The following ARFGEF3 variants were observed in gnomAD, a reference collection of about 807,000 sequenced individuals.
The protein encoded by ARFGEF3 is ARFGEF family member 3.
A neutral mutation model predicts 221.7 loss-of-function variants in ARFGEF3; 96 were observed. That is an observed-to-expected ratio of 0.43 (90% confidence interval 0.37 to 0.51). The LOEUF is 0.51. ARFGEF3 is among the 20% of genes least tolerant of loss of function. The probability of loss-of-function intolerance (pLI) is 0.00; values close to 1 mark genes in which losing one functional copy is unlikely to be tolerated. For synonymous variants in ARFGEF3, 1,145 were observed against 1,126.8 expected (o/e 1.02, Z -0.32); for missense variants, 2,410 against 2,789.9 (o/e 0.86, Z 3.07).
At chr6:138,190,779 A>G (rs1400192439) in intron 2 of ARFGEF3, among the ~76,000 whole-genome samples, 2 of 152,210 alleles carry the variant, frequency 1.3e-5, no homozygotes, top group African/African-American at 2.4e-5. Flanking sequence ...TGAAGAACAT[A>G]GGAAAACTGG....
intron 23 of ARFGEF3, 149 bp from the exon 24 acceptor site, chr6:138,308,590 G>C: frequency 3.7e-6 from 3 of 810,518 alleles, no homozygotes; most frequent in Non-Finnish European, 6.0e-6. Context: ...CTGGAGCCAA[G>C]CCAATGGCCC....
At chr6:138,279,894 G>T in intron 13 of ARFGEF3, 105 bp from the exon 14 acceptor site, 1 of 1,109,824 alleles carries the variant, frequency 9.0e-7, no homozygotes. Context: ...CACAAGCCTT[G>T]GTTTAGTTCA....
chr6:138,262,576 T>G, intron 11 of ARFGEF3, 125 bp from the exon 12 acceptor site: 1 of 958,636 alleles, frequency 1.0e-6, no homozygotes, highest in Non-Finnish European at 1.5e-6. Context: ...CCATTTTGTT[T>G]TATTCAAATC....
In ARFGEF3 at chr6:138,261,663, C is replaced by T. The variant is rs759805471; in HGVS notation, c.1217+24C>T. On this transcript the variant is annotated intron_variant, in intron 11 of 33. Coordinates refer to ENST00000251691, the MANE Select transcript of ARFGEF3 (RefSeq NM_020340.5). The stretch of plus-strand genomic sequence containing the variant: ...CTGTATGATGTTTATCCTTTTAAGT[C>T]TTTATTGAGGCTGCTTTTCTGAAGA... The T allele has an allele frequency of 4.3e-6, 6 of 1,381,322 alleles. No homozygotes were observed. The South Asian group carries it at 8.9e-5, about 20-fold the overall frequency. The allele number at this position is 1,381,322 out of a possible 1,614,324, so 85.6% of individuals were successfully genotyped here.
chr6:138,306,039 TA>T (rs1311703420), intron 22 of ARFGEF3, among the ~76,000 whole-genome samples: 1 of 152,136 alleles, frequency 6.6e-6, no homozygotes, highest in Non-Finnish European at 1.5e-5. Context: ...AAACGAAAAG[TA>T]AAGCTGTTTT....
intron 4 of ARFGEF3, among the ~76,000 whole-genome samples, chr6:138,213,416 C>T (rs1777771978): frequency 6.6e-6 from 1 of 150,514 alleles, no homozygotes; most frequent in African/African-American, 2.5e-5. Flanking sequence ...CGAGATCGTA[C>T]CACTGCTCTG....
At chr6:138,171,078 C>T (rs995423386) in intron 2 of ARFGEF3, among the ~76,000 whole-genome samples, 1 of 148,620 alleles carries the variant, frequency 6.7e-6, no homozygotes, top group South Asian at 2.1e-4. Flanking sequence ...GGCCAGATCA[C>T]CTCTCATTAG....
chr6:138,305,863 G>A (rs1319557074), intron 22 of ARFGEF3, among the ~76,000 whole-genome samples: 1 of 152,138 alleles, frequency 6.6e-6, no homozygotes, highest in African/African-American at 2.4e-5. Flanking sequence ...TCCTCCATGA[G>A]ATAAGGGGCA....
rs533997327 is a variant in ARFGEF3, at chr6:138,338,605, G to C, written c.*2119G>C. ...ACCTGCGGTCAGGAGTTTGAGACCAGGCTGGACAACATGGTGAAACCTCGT... is the reference window on the plus strand; with the variant it reads ...ACCTGCGGTCAGGAGTTTGAGACCACGCTGGACAACATGGTGAAACCTCGT... On this transcript the variant is annotated 3_prime_UTR_variant, in exon 34 of 34. Transcript: ENST00000251691. 1.3e-5 allele frequency: 2 copies of C among 152,292 alleles called. No homozygotes were observed. The highest frequency in any genetic ancestry group is 3.9e-4 in the East Asian group (2 of 5,188). 9.4% of individuals were successfully genotyped at this position (152,292 alleles called of 1,614,324 possible).
rs111432461 is a variant in ARFGEF3 at position 138,257,005 on chromosome 6, C to T, written c.1104+1236C>T. Among the ~76,000 whole-genome samples, 1,489 of 152,210 alleles carry T rather than the reference C, an allele frequency of 9.8e-3. 21 individuals are homozygous for T. Among genetic ancestry groups the T allele is most frequent in the African/African-American group, 0.033 (1,386 of 41,540 alleles). On this transcript the variant is annotated intron_variant, in intron 10 of 33. Transcript: ENST00000251691. Reference sequence around the variant, plus strand: ...CCCAGGCTGGTCTCAAACTCCTGAGCTCAAGCAATCCGCCCGCCTCAGCCT... The same window carrying T: ...CCCAGGCTGGTCTCAAACTCCTGAGTTCAAGCAATCCGCCCGCCTCAGCCT...
intron 29 of ARFGEF3, 133 bp from the exon 30 acceptor site, chr6:138,323,538 G>C (rs1780072040): frequency 1.5e-6 from 1 of 665,128 alleles, no homozygotes; most frequent in Non-Finnish European, 2.5e-6. Context: ...TTGAACCCGG[G>C]AGATGGAGGT....
intron 32 of ARFGEF3, among the ~76,000 whole-genome samples, chr6:138,333,360 T>C (rs548079842): frequency 2.6e-5 from 4 of 152,354 alleles, no homozygotes; most frequent in Non-Finnish European, 4.4e-5. Context: ...TGATATCTTT[T>C]GATGTCACAG....
chr6:138,196,924 C>T (rs528163258), intron 2 of ARFGEF3, among the ~76,000 whole-genome samples: 39 of 151,144 alleles, frequency 2.6e-4, no homozygotes, highest in Admixed American at 1.5e-3. Flanking sequence ...ACCTCCGCCT[C>T]CCGGGTTCAA....
rs760510670 is a variant in ARFGEF3, at chr6:138,334,228, G to A, written c.5382G>A (p.Leu1794=). 3.1e-6 allele frequency: 5 copies of A among 1,613,776 alleles called. No individual in the cohort carries two copies. Among genetic ancestry groups the A allele is most frequent in the Admixed American group, 1.7e-5 (1 of 59,986 alleles). ...FDTSPGLKCL[L]KKVSGIGGAA... Reference sequence around the variant, plus strand: ...CCAGCCCCGGGCTGAAGTGCCTGCTGAAGAAAGTGTCTGGCATCGGGGGCG... The same window carrying A: ...CCAGCCCCGGGCTGAAGTGCCTGCTAAAGAAAGTGTCTGGCATCGGGGGCG... Residue 1794 remains leucine, a synonymous_variant, in exon 33 of 34, where the codon CTG becomes CTA. Transcript: ENST00000251691. The surrounding 1 kb of genome is among the most constrained non-coding windows in gnomAD (Gnocchi z 5.1).
rs1232062002 is a variant in ARFGEF3 at position 138,338,159 on chromosome 6, A to G, written c.*1673A>G. 1 of 152,244 alleles carries G rather than the reference A, an allele frequency of 6.6e-6. No homozygotes were observed. Among genetic ancestry groups the G allele is most frequent in the Non-Finnish European group, 1.5e-5 (1 of 68,052 alleles). 9.4% of individuals were successfully genotyped at this position (152,244 alleles called of 1,614,324 possible). ...TTTGCCTTCAGTTTTTACTCACTAG[A>G]CAATAATTCAAGTTTAGAAACAGGT... is the stretch of plus-strand genomic sequence containing the variant. On this transcript the variant is annotated 3_prime_UTR_variant, in exon 34 of 34. Transcript: ENST00000251691.
At chr6:138,273,113 T>A (rs1011030462) in intron 12 of ARFGEF3, among the ~76,000 whole-genome samples, 1 of 152,214 alleles carries the variant, frequency 6.6e-6, no homozygotes, top group Non-Finnish European at 1.5e-5. Flanking sequence ...AGTTACAGTT[T>A]GACATATGTA....
At position 138,311,557 on chromosome 6, in the gene ARFGEF3, G is replaced by C. The variant is rs746800137; in HGVS notation, c.4200+47G>C. The C allele has an allele frequency of 3.3e-4, 441 of 1,349,756 alleles. 2 individuals are homozygous for C. Among genetic ancestry groups the C allele is most frequent in the Non-Finnish European group, 9.0e-5 (87 of 964,180 alleles). 83.6% of individuals were successfully genotyped at this position (1,349,756 alleles called of 1,614,324 possible). ...GCTCCCGGCCTGGAAACCTGCCTCG[G>C]AACATGCTGCCAAAACATGCGTGGG... On this transcript the variant is annotated intron_variant, in intron 25 of 33. Transcript: ENST00000251691.
intron 22 of ARFGEF3, among the ~76,000 whole-genome samples, chr6:138,306,781 T>A (rs1347341953): frequency 6.6e-6 from 1 of 151,390 alleles, no homozygotes; most frequent in Non-Finnish European, 1.5e-5. Flanking sequence ...AAAAAAAAAA[T>A]TCAAAATGGG....
chr6:138,197,023 G>A (rs1777440067), intron 2 of ARFGEF3, among the ~76,000 whole-genome samples: 2 of 152,098 alleles, frequency 1.3e-5, no homozygotes, highest in South Asian at 4.2e-4. Flanking sequence ...AGTAGAGATG[G>A]GGTTTCTCCA....
Sources: gnomAD v4.1 joint callset for allele counts (sites outside exome capture counted in the v4.1 genomes callset) on GRCh38, gnomAD v4.1.1 for gene constraint, Gnocchi (gnomAD v3.1) non-coding constraint, MANE v1.5 for transcripts, NCBI Gene and HGNC (gene_info 2026-07-23, HGNC 2026-07-21) for gene names.